The following PPIL4 variants were observed in gnomAD, a reference collection of about 807,000 sequenced individuals.
The protein encoded by PPIL4 is peptidyl-prolyl cis-trans isomerase-like 4.
In PPIL4, 50 loss-of-function variants were observed where a neutral mutation model predicts 69.1. The ratio of observed to expected loss-of-function variants is 0.72; its 90% CI spans 0.58 to 0.92. PPIL4 has a LOEUF of 0.92. Among genes scored for constraint, PPIL4 ranks in the 40% least tolerant of loss-of-function variants. The pLI, the probability that PPIL4 is intolerant of heterozygous loss-of-function variation, is 0.00. For synonymous variants in PPIL4, 193 were observed against 191.6 expected (o/e 1.01, Z -0.06); for missense variants, 480 against 587.9 (o/e 0.82, Z 1.90).
intron 11 of PPIL4, among the ~76,000 whole-genome samples, chr6:149,513,625 T>C (rs2115028434): frequency 6.6e-6 from 1 of 151,002 alleles, no homozygotes; most frequent in South Asian, 2.1e-4. Context: ...AAAATTAACA[T>C]GAAAAAAGCT....
rs879359374 is a variant in PPIL4, at chr6:149,510,856, TA to T, written c.1227+1298del. ...AAAACTAGTAATTTGCTTTAACAGT[TA>T]AAAAAAAAAAGTAGTAACAATAATA... On this transcript the variant is annotated intron_variant, in intron 12 of 12. Coordinates refer to ENST00000253329, the MANE Select transcript of PPIL4 (RefSeq NM_139126.4). 6.3e-3 allele frequency among the ~76,000 whole-genome samples: 927 copies of T among 146,730 alleles called. 8 individuals are homozygous for T. The highest frequency in any genetic ancestry group is 0.02 in the African/African-American group (815 of 40,394).
At chr6:149,541,711 G>T in intron 1 of PPIL4, 125 bp from the exon 2 acceptor site, 1 of 596,080 alleles carries the variant, frequency 1.7e-6, no homozygotes, top group Non-Finnish European at 2.9e-6. Context: ...AATGTCCAAA[G>T]CTATAAAAAA....
rs768238528 is a variant in PPIL4 at position 149,534,746 on chromosome 6, G to A, written c.493C>T (p.Pro165Ser). 1.3e-6 allele frequency: 2 copies of A among 1,588,078 alleles called. No individual in the cohort carries two copies. Among genetic ancestry groups the A allele is most frequent in the East Asian group, 2.2e-5 (1 of 44,506 alleles). ...RINHTVILDD[P>S]FDDPPDLLIP... is the part of the protein sequence containing the mutation. ...AATAAATCAGGAGGGTCATCAAATG[G>A]ATCATCTAAAATCACCGTATGATTT... Residue 165 changes from proline to serine, a missense_variant, in exon 6 of 13, where the codon CCA becomes TCA. Pro to Ser is a moderately conservative substitution (Grantham distance 74). Coordinates refer to ENST00000253329, the MANE Select transcript of PPIL4 (RefSeq NM_139126.4).
rs767886058 is a variant in PPIL4, at chr6:149,537,125, C to CA, written c.322-1388dup. Among the ~76,000 whole-genome samples the CA allele has an allele frequency of 3.2e-3, 293 of 91,388 alleles. 1 individual carries two copies. Among genetic ancestry groups the CA allele is most frequent in the Admixed American group, 3.8e-3 (31 of 8,130 alleles). The allele number at this position is 91,388 out of a possible 152,430, so 60.0% of individuals were successfully genotyped here. ...TGGGCAACAGAGTGAGAATCTGTCT[C>CA]AAAAAAAAAAAAAAAAGAAGCTGCA... is the stretch of plus-strand genomic sequence containing the variant. On this transcript the variant is annotated intron_variant, in intron 4 of 12. Coordinates refer to ENST00000253329, the MANE Select transcript of PPIL4 (RefSeq NM_139126.4).
chr6:149,534,691 C>A lies in PPIL4; in HGVS notation c.548G>T (p.Arg183Met). The change falls in exon 6 of 13, where the codon AGG becomes ATG. Residue 183 changes from arginine to methionine, a missense_variant. Transcript: ENST00000253329. ...GGCTTTACTTACATCTAATTGTTCC[C>A]TTGTAGGTTCTGGTGATCGATCAGG... ...LIPDRSPEPT[R>M]EQLDSGRIGA... 6.4e-7 allele frequency: 1 copy of A among 1,553,568 alleles called. No individual in the cohort carries two copies. Among genetic ancestry groups the A allele is most frequent in the Admixed American group, 1.8e-5 (1 of 56,310 alleles).
chr6:149,519,503 T>G (rs1441510041), intron 10 of PPIL4, among the ~76,000 whole-genome samples: 3 of 152,194 alleles, frequency 2.0e-5, no homozygotes, highest in Admixed American at 6.5e-5. Context: ...AGTGCTTCAA[T>G]TTAGGTTTCA....
At chr6:149,505,745 A>C in intron 12 of PPIL4, 41 bp from the exon 13 acceptor site, 3 of 1,575,394 alleles carry the variant, frequency 1.9e-6, no homozygotes, top group Non-Finnish European at 1.7e-6. Context: ...TCAGTAAAAT[A>C]ATCATTTTGT....
intron 7 of PPIL4, among the ~76,000 whole-genome samples, chr6:149,530,803 C>T (rs981915526): frequency 2.0e-5 from 3 of 152,148 alleles, no homozygotes; most frequent in Non-Finnish European, 4.4e-5. Flanking sequence ...AGTCAGGAAT[C>T]ATGAATGGCT....
intron 9 of PPIL4, among the ~76,000 whole-genome samples, chr6:149,521,831 A>T (rs1316193324): frequency 6.6e-6 from 1 of 152,200 alleles, no homozygotes; most frequent in African/African-American, 2.4e-5. Flanking sequence ...GTGAGACTGT[A>T]ATACCAAGCT....
At chr6:149,526,424 TGA>T (rs1411393669) in intron 8 of PPIL4, among the ~76,000 whole-genome samples, 2 of 152,158 alleles carry the variant, frequency 1.3e-5, no homozygotes, top group African/African-American at 4.8e-5. Context: ...GAAAATGTGT[TGA>T]GAGTGGGAGA....
chr6:149,523,644 T>G lies in PPIL4; in HGVS notation c.870+1499A>C, dbSNP rs1243436587. Among the ~76,000 whole-genome samples the G allele has an allele frequency of 3.3e-5, 5 of 150,590 alleles. No individual in the cohort carries two copies. In the East Asian group the frequency reaches 9.8e-4, roughly 29 times the overall value. Reference sequence around the variant, plus strand: ...AGGCGGAGGTTGCAGTGAGCTGAGATCATGCGACTACACTCCAGCCTGGGT... The same window carrying G: ...AGGCGGAGGTTGCAGTGAGCTGAGAGCATGCGACTACACTCCAGCCTGGGT... On this transcript the variant is annotated intron_variant, in intron 9 of 12. Coordinates refer to ENST00000253329, the MANE Select transcript of PPIL4 (RefSeq NM_139126.4).
At chr6:149,513,183 C>T (rs1053760196) in intron 11 of PPIL4, among the ~76,000 whole-genome samples, 6 of 147,416 alleles carry the variant, frequency 4.1e-5, no homozygotes, top group South Asian at 2.1e-4. Context: ...GCCAGGAGTT[C>T]GAGACCAGCC....
intron 7 of PPIL4, among the ~76,000 whole-genome samples, chr6:149,527,888 A>G (rs1269853633): frequency 6.6e-6 from 1 of 152,182 alleles, no homozygotes; most frequent in Non-Finnish European, 1.5e-5. Context: ...AATAAAAAAC[A>G]GTAAGAAGCA....
At chr6:149,520,073 A>G (rs1347718343) in intron 10 of PPIL4, among the ~76,000 whole-genome samples, 1 of 152,248 alleles carries the variant, frequency 6.6e-6, no homozygotes, top group South Asian at 2.1e-4. Context: ...GTAAAAATTT[A>G]GAAAACCCAT....
At chr6:149,511,583 G>T (rs1386239060) in intron 12 of PPIL4, among the ~76,000 whole-genome samples, 2 of 152,024 alleles carry the variant, frequency 1.3e-5, no homozygotes, top group African/African-American at 4.8e-5. Context: ...CCTGTAAATT[G>T]CTTTTTATTT....
At chr6:149,510,525 C>T (rs1009956478) in intron 12 of PPIL4, among the ~76,000 whole-genome samples, 13 of 152,132 alleles carry the variant, frequency 8.5e-5, no homozygotes, top group South Asian at 2.1e-4. Flanking sequence ...AGGCAGATCA[C>T]GAGGTCAGGA....
chr6:149,540,335 G>A (rs961852117), intron 4 of PPIL4, among the ~76,000 whole-genome samples: 5 of 152,024 alleles, frequency 3.3e-5, no homozygotes, highest in Non-Finnish European at 7.4e-5. Context: ...ACTGAAAAAC[G>A]GCCAGGCGCG....
At chr6:149,544,457 A>C (rs1227854388) in intron 1 of PPIL4, among the ~76,000 whole-genome samples, 1 of 152,220 alleles carries the variant, frequency 6.6e-6, no homozygotes, top group Non-Finnish European at 1.5e-5. Context: ...TACTCAGGAT[A>C]TAGAGATGAT....
intron 1 of PPIL4, 42 bp from the exon 2 acceptor site, chr6:149,541,628 AAC>A (rs763415493): frequency 9.2e-7 from 1 of 1,092,248 alleles, no homozygotes; most frequent in African/African-American, 1.6e-5. Flanking sequence ...GTAATCCACA[AAC>A]ACATTTTTAA....
Sources: gnomAD v4.1 joint callset for allele counts (sites outside exome capture counted in the v4.1 genomes callset) on GRCh38, gnomAD v4.1.1 for gene constraint, MANE v1.5 for transcripts, NCBI Gene and HGNC (gene_info 2026-07-23, HGNC 2026-07-21) for gene names.